EVC: variants seen among roughly 807,000 people sequenced by gnomAD.
EVC encodes EvC ciliary complex subunit 1.
In EVC, 116 loss-of-function variants were observed where a neutral mutation model predicts 118.9. That is an observed-to-expected ratio of 0.98 (90% CI 0.84 to 1.14). EVC has a LOEUF of 1.14. Among genes scored for constraint, EVC ranks in the 50% most tolerant of loss-of-function variants. EVC has a pLI of 0.00. For synonymous variants in EVC, 619 were observed against 534.7 expected (o/e 1.16, Z -2.18); for missense variants, 1,401 against 1,246.4 (o/e 1.12, Z -1.87).
rs185129321 is a variant in EVC at position 5,749,828 on chromosome 4, A to G, written c.1098+1522A>G. The stretch of plus-strand genomic sequence containing the variant: ...AGACCCGTGGGAAAGCCAAGCCTCA[A>G]CGGATCTTTGCCTCCCCTTGCACAC... On this transcript the variant is annotated intron_variant, in intron 8 of 20. Transcript: ENST00000264956. The surrounding 1 kb of genome is among the most constrained non-coding windows in gnomAD (Gnocchi z 4.4). Among the ~76,000 whole-genome samples, 607 of 152,214 alleles carry G rather than the reference A, an allele frequency of 4.0e-3. 4 individuals carry two copies. The highest frequency in any genetic ancestry group is 0.014 in the African/African-American group (584 of 41,532).
At chr4:5,825,452 C>T in the EVC span, 1 of 1,529,688 alleles carries the variant, frequency 6.5e-7, no homozygotes, top group African/African-American at 1.4e-5. The surrounding 1 kb of genome is among the most constrained non-coding windows in gnomAD (Gnocchi z 4.4). Context: ...TCGGCCTGAA[C>T]TGCTGCAATT....
chr4:5,795,657 CAAAT>C (rs1026766331), intron 13 of EVC, among the ~76,000 whole-genome samples: 18 of 152,198 alleles, frequency 1.2e-4, no homozygotes, highest in Non-Finnish European at 2.1e-4. Flanking sequence ...ATCTCAAAAA[CAAAT>C]AAACAAACAA....
intron 2 of EVC, among the ~76,000 whole-genome samples, chr4:5,724,276 A>G (rs963646608): frequency 1.3e-5 from 2 of 152,228 alleles, no homozygotes; most frequent in African/African-American, 4.8e-5. Context: ...GGCCAGGGCC[A>G]TGGATTCGAG....
intron 8 of EVC, chr4:5,752,577 A>AG: frequency 1.8e-6 from 1 of 565,238 alleles, no homozygotes; most frequent in Non-Finnish European, 3.2e-6. Context: ...CCCTCTGGGG[A>AG]GCGCTACTGG....
chr4:5,782,034 A>G (rs970366069), intron 11 of EVC, among the ~76,000 whole-genome samples: 16 of 152,150 alleles, frequency 1.1e-4, no homozygotes, highest in African/African-American at 3.6e-4. Context: ...GGAGCCATAA[A>G]GAATTCCAAC....
chr4:5,752,587 G>T, intron 8 of EVC: 1 of 586,322 alleles, frequency 1.7e-6, no homozygotes, highest in Non-Finnish European at 3.1e-6. Context: ...AGCGCTACTG[G>T]TGACTAAGTG....
chr4:5,763,293 G>C (rs1360055546), intron 11 of EVC, among the ~76,000 whole-genome samples: 2 of 146,794 alleles, frequency 1.4e-5, no homozygotes, highest in Non-Finnish European at 3.0e-5. Flanking sequence ...ATGCTGTTTT[G>C]GTTACTGTAG....
chr4:5,828,648 G>A, the EVC span: 21 of 1,614,098 alleles, frequency 1.3e-5, no homozygotes, highest in African/African-American at 6.7e-5. Flanking sequence ...CCATACCCTC[G>A]AAGATGTTGT....
chr4:5,798,753 A>C lies in EVC; in HGVS notation c.2265A>C (p.Ala755=). The C allele has an allele frequency of 6.2e-7, 1 of 1,611,214 alleles. No individual in the cohort carries two copies. The highest frequency in any genetic ancestry group is 8.5e-7 in the Non-Finnish European group (1 of 1,179,954). ...CGCTGCTGGTGCATGCACGGAATGC[A>C]GCCACCAAGAGCCGGGCCAAGGACA... The part of the protein sequence containing the change: ...GQALLVHARN[A]ATKSRAKDRD... The change falls in exon 15 of 21, where the codon GCA becomes GCC. Residue 755 remains alanine (A), a synonymous_variant. Transcript: ENST00000264956. This position sits in a 1 kb window ranked among gnomAD's most constrained non-coding sequence, Gnocchi z 4.1.
chr4:5,725,061 C>T (rs114717975), intron 2 of EVC, among the ~76,000 whole-genome samples: 2,163 of 152,256 alleles, frequency 0.014, 33 homozygotes, highest in African/African-American at 0.038. Context: ...CGATCTTGTT[C>T]CTTTTTATGG....
Position 5,748,211 on chromosome 4 carries a change from T to C in EVC, c.1003T>C (p.Ser335Pro), listed in dbSNP as rs772431066. 5 of 1,614,068 alleles carry C rather than the reference T, an allele frequency of 3.1e-6. No individual in the cohort carries two copies. The highest frequency in any genetic ancestry group is 4.2e-6 in the Non-Finnish European group (5 of 1,180,044). ...QHFLVDQFKCSSSKARQLMMT... is the reference protein window; with the variant it reads ...QHFLVDQFKCPSSKARQLMMT... ...CTTTCTTGTGGACCAGTTTAAGTGT[T>C]CCAGCTCCAAAGCCCGACAGCTGAT... Residue 335 changes from serine to proline, a missense_variant, in exon 8 of 21, where the codon TCC becomes CCC. By Grantham distance (74) the Ser-to-Pro change is moderately conservative. Transcript: ENST00000264956.
At chr4:5,802,306 G>A (rs1309949908) in intron 16 of EVC, among the ~76,000 whole-genome samples, 2 of 152,214 alleles carry the variant, frequency 1.3e-5, no homozygotes, top group Non-Finnish European at 2.9e-5. Context: ...CCAGTGCAGT[G>A]GGAGTGTTTT....
chr4:5,796,698 C>CA (rs1560424057), intron 13 of EVC, among the ~76,000 whole-genome samples: 1 of 151,878 alleles, frequency 6.6e-6, no homozygotes, highest in Non-Finnish European at 1.5e-5. Context: ...AATAGGAACT[C>CA]AAAAATGGCT....
Position 5,798,839 on chromosome 4 carries a change from C to G in EVC, c.2304+47C>G, listed in dbSNP as rs751184077. On this transcript the variant is annotated intron_variant, in intron 15 of 20. Coordinates refer to ENST00000264956, the MANE Select transcript of EVC (RefSeq NM_153717.3). The surrounding 1 kb of genome is among the most constrained non-coding windows in gnomAD (Gnocchi z 4.1). ...TGGGGACACCGAGGGCAAGAATGTT[C>G]AGGGTAGGGTCCATGCCTGGGTCTG... The G allele has an allele frequency of 1.9e-6, 3 of 1,578,918 alleles. No homozygotes were observed. The highest frequency in any genetic ancestry group is 2.3e-5 in the East Asian group (1 of 43,716).
chr4:5,810,170 G>C (rs1026158698), intron 19 of EVC, among the ~76,000 whole-genome samples, 169 bp from the exon 20 acceptor site: 1 of 152,170 alleles, frequency 6.6e-6, no homozygotes, highest in Admixed American at 6.5e-5. Context: ...ACCTTCCCAG[G>C]CCTCAGTTTC....
rs1275183429 is a variant in EVC, at chr4:5,711,380, G to C, written c.-1G>C. Reference sequence around the variant, plus strand: ...GCGGGGCGGCAGCCTGAGCGCCCCGGATGGCCCGCGGCGGGGCGGCCTGCA... The same window carrying C: ...GCGGGGCGGCAGCCTGAGCGCCCCGCATGGCCCGCGGCGGGGCGGCCTGCA... On this transcript the variant is annotated 5_prime_UTR_variant, in exon 1 of 21. Transcript: ENST00000264956. 2.0e-6 allele frequency: 2 copies of C among 1,011,272 alleles called. No individual in the cohort carries two copies. Among genetic ancestry groups the C allele is most frequent in the African/African-American group, 3.5e-5 (2 of 57,452 alleles). 62.6% of individuals were successfully genotyped at this position (1,011,272 alleles called of 1,614,324 possible).
chr4:5,767,226 A>G (rs1411100615), intron 11 of EVC, among the ~76,000 whole-genome samples: 1 of 152,062 alleles, frequency 6.6e-6, no homozygotes, highest in Non-Finnish European at 1.5e-5. Flanking sequence ...GCCAGGGTTC[A>G]GGGACCCACT....
Position 5,789,879 on chromosome 4 carries a change from C to T in EVC, c.1777-3729C>T, listed in dbSNP as rs1712431429. On this transcript the variant is annotated intron_variant, in intron 12 of 20. Coordinates refer to ENST00000264956, the MANE Select transcript of EVC (RefSeq NM_153717.3). This position sits in a 1 kb window ranked among gnomAD's most constrained non-coding sequence, Gnocchi z 4.3. ...ATACTTTAGTGGCAATGCAGACTCA[C>T]CTTTCAAAGAATCAAGACTGGCCAA... Among the ~76,000 whole-genome samples, 1 of 152,138 alleles carries T rather than the reference C, an allele frequency of 6.6e-6. No homozygotes were observed. The highest frequency in any genetic ancestry group is 6.6e-5 in the Admixed American group (1 of 15,264).
At chr4:5,771,107 A>G (rs929730205) in intron 11 of EVC, among the ~76,000 whole-genome samples, 17 of 152,172 alleles carry the variant, frequency 1.1e-4, no homozygotes, top group African/African-American at 4.1e-4. Flanking sequence ...TAGCCACTAT[A>G]ACTAATGACC....
Sources: allele counts gnomAD v4.1 joint callset (sites outside exome capture counted in the v4.1 genomes callset), GRCh38; gene constraint gnomAD v4.1.1; non-coding constraint Gnocchi (gnomAD v3.1); transcripts MANE v1.5; gene names NCBI Gene and HGNC (gene_info 2026-07-23, HGNC 2026-07-21).